The following INPP4B variants were observed in gnomAD, a reference collection of about 807,000 sequenced individuals.
INPP4B encodes inositol polyphosphate-4-phosphatase type II B.
INPP4B carries 55 observed loss-of-function variants against 122.5 expected under a neutral mutation model. The observed-to-expected ratio is 0.45, with a 90% CI of 0.36 to 0.56. INPP4B has a LOEUF of 0.56. Among genes scored for constraint, INPP4B ranks in the 20% least tolerant of loss-of-function variants. The pLI is 0.00. For synonymous variants in INPP4B, 403 were observed against 388.7 expected (o/e 1.04, Z -0.43); for missense variants, 1,000 against 1,097.7 (o/e 0.91, Z 1.26).
At chr4:142,249,204 C>T (rs1462496409) in intron 11 of INPP4B, among the ~76,000 whole-genome samples, 1 of 151,942 alleles carries the variant, frequency 6.6e-6, no homozygotes, top group East Asian at 1.9e-4. Context: ...GTTAGGTATA[C>T]AAAAATACTG....
In INPP4B at chr4:142,647,551, A is replaced by C. The variant is rs555773823; in HGVS notation, c.-191+78288T>G. On this transcript the variant is annotated intron_variant, in intron 2 of 25. Transcript: ENST00000262992. ...ACGCCTGCCCAATTGTGTGTGGAGA[A>C]ATAGACAGTGTCCCCAGAGGTGTTT... Among the ~76,000 whole-genome samples, 18 of 152,310 alleles carry C rather than the reference A, an allele frequency of 1.2e-4. No individual in the cohort carries two copies. In the South Asian group the frequency reaches 3.7e-3, roughly 32 times the overall value.
chr4:142,250,966 A>G (rs1331965615), intron 11 of INPP4B, among the ~76,000 whole-genome samples: 2 of 152,244 alleles, frequency 1.3e-5, no homozygotes, highest in Non-Finnish European at 2.9e-5. Context: ...AGTTTTTGTC[A>G]TATTACAATT....
chr4:142,405,123 G>A (rs1388515978), intron 6 of INPP4B, 83 bp downstream of exon 6: 2 of 699,058 alleles, frequency 2.9e-6, no homozygotes, highest in Admixed American at 4.3e-5. Context: ...GGGGGTGGGG[G>A]GGAGGGAGAG....
At chr4:142,663,208 T>C (rs946877223) in intron 2 of INPP4B, among the ~76,000 whole-genome samples, 2 of 152,200 alleles carry the variant, frequency 1.3e-5, no homozygotes, top group African/African-American at 4.8e-5. Flanking sequence ...CATTTTCTCA[T>C]TGAAATGTTT....
chr4:142,093,496 T>C (rs922864573), intron 23 of INPP4B, among the ~76,000 whole-genome samples: 4 of 152,188 alleles, frequency 2.6e-5, no homozygotes, highest in African/African-American at 4.8e-5. Flanking sequence ...CTTCTAAGTA[T>C]GAAAAAGTTA....
intron 2 of INPP4B, among the ~76,000 whole-genome samples, chr4:142,693,483 TAAAAAAAAAAAAAA>T (rs554003993): frequency 1.9e-4 from 10 of 52,432 alleles, no homozygotes; most frequent in African/African-American, 2.3e-4. Flanking sequence ...TGCCTTTTTC[TAAAAAAAAAAAAAA>T]AAAAAAAAAA....
At chr4:142,385,084 T>G (rs565387478) in intron 7 of INPP4B, among the ~76,000 whole-genome samples, 1 of 152,300 alleles carries the variant, frequency 6.6e-6, no homozygotes, top group Non-Finnish European at 1.5e-5. Context: ...CATGCATGCA[T>G]CCTTATGATA....
intron 1 of INPP4B, among the ~76,000 whole-genome samples, chr4:142,743,916 G>T (rs1471872871): frequency 6.6e-6 from 1 of 151,702 alleles, no homozygotes; most frequent in African/African-American, 2.4e-5. Flanking sequence ...CAGATTACTA[G>T]ATAGACATAA....
At chr4:142,593,109 A>ATTT (rs1560840485) in intron 2 of INPP4B, among the ~76,000 whole-genome samples, 2 of 150,680 alleles carry the variant, frequency 1.3e-5, no homozygotes, top group South Asian at 2.1e-4. Flanking sequence ...GTTTTTAAAA[A>ATTT]AAAAAAAAAA....
chr4:142,436,062 C>A (rs541002486), intron 3 of INPP4B, among the ~76,000 whole-genome samples: 1 of 152,330 alleles, frequency 6.6e-6, no homozygotes, highest in Admixed American at 6.5e-5. Flanking sequence ...ACACTTTACC[C>A]CTGCTGAAGC....
At chr4:142,172,768 G>A (rs912794729) in intron 16 of INPP4B, among the ~76,000 whole-genome samples, 2 of 151,850 alleles carry the variant, frequency 1.3e-5, no homozygotes, top group African/African-American at 2.4e-5. Flanking sequence ...TCAGAGAGGT[G>A]GAAAACTACA....
chr4:142,173,580 T>C (rs1030025501), intron 16 of INPP4B, 52 bp downstream of exon 16: 22 of 1,501,092 alleles, frequency 1.5e-5, no homozygotes, highest in Non-Finnish European at 1.9e-5. Flanking sequence ...GCCAGACCAA[T>C]GGGAATTTGA....
At chr4:142,481,544 T>C (rs548990620) in intron 2 of INPP4B, among the ~76,000 whole-genome samples, 3 of 152,264 alleles carry the variant, frequency 2.0e-5, no homozygotes, top group African/African-American at 7.2e-5. Context: ...AATTTCTCCT[T>C]TGTTAGAGAT....
intron 2 of INPP4B, among the ~76,000 whole-genome samples, chr4:142,662,714 G>T (rs35366693): frequency 0.11 from 16,553 of 152,118 alleles, 932 homozygotes; most frequent in South Asian, 0.15. Flanking sequence ...GAGAAAAACT[G>T]CCCACTAATC....
At chr4:142,451,192 TA>T (rs1814107049) in intron 3 of INPP4B, among the ~76,000 whole-genome samples, 1 of 151,156 alleles carries the variant, frequency 6.6e-6, no homozygotes, top group African/African-American at 2.4e-5. Context: ...ACATCAAGAA[TA>T]AAGATTCAAA....
chr4:142,064,851 C>A (rs1762717621), intron 25 of INPP4B, among the ~76,000 whole-genome samples: 1 of 151,940 alleles, frequency 6.6e-6, no homozygotes, highest in Non-Finnish European at 1.5e-5. Flanking sequence ...AAAGAACAGT[C>A]AAAGTGATTT....
chr4:142,194,743 G>T (rs541910573), intron 14 of INPP4B, among the ~76,000 whole-genome samples: 1 of 152,148 alleles, frequency 6.6e-6, no homozygotes, highest in Middle Eastern at 3.2e-3. Flanking sequence ...AACCTGAGTC[G>T]CTGGCTTTGG....
intron 2 of INPP4B, among the ~76,000 whole-genome samples, chr4:142,712,455 A>C (rs920262890): frequency 6.6e-6 from 1 of 152,246 alleles, no homozygotes; most frequent in Non-Finnish European, 1.5e-5. Context: ...TGTCCAAGGC[A>C]TGCTGCCATT....
chr4:142,827,909 G>T (rs896016881), intron 1 of INPP4B, among the ~76,000 whole-genome samples: 1 of 152,072 alleles, frequency 6.6e-6, no homozygotes, highest in African/African-American at 2.4e-5. Flanking sequence ...GGTAGTTTGT[G>T]AGTTAAATAA....
Sources: allele counts gnomAD v4.1 joint callset (sites outside exome capture counted in the v4.1 genomes callset), GRCh38; gene constraint gnomAD v4.1.1; transcripts MANE v1.5; gene names NCBI Gene and HGNC (gene_info 2026-07-23, HGNC 2026-07-21).